Variants in CNTNAP2 observed in about 807,000 individuals in gnomAD.
CNTNAP2 encodes contactin associated protein 2, also known as contactin-associated protein-like 2.
Under a neutral mutation model 155.2 loss-of-function variants are expected in CNTNAP2, and 98 were observed. The observed-to-expected ratio is 0.63, with a 90% CI of 0.54 to 0.75. The LOEUF is 0.75. Ranked by LOEUF, CNTNAP2 falls within the 30% of genes least tolerant of loss-of-function variation. The pLI, the probability that CNTNAP2 is intolerant of heterozygous loss-of-function variation, is 0.00. For synonymous variants in CNTNAP2, 651 were observed against 631.2 expected (o/e 1.03, Z -0.47); for missense variants, 1,727 against 1,688.1 (o/e 1.02, Z -0.40).
chr7:146,759,219 G>T (rs556730031), intron 1 of CNTNAP2, among the ~76,000 whole-genome samples: 3 of 151,952 alleles, frequency 2.0e-5, no homozygotes, highest in African/African-American at 7.3e-5. Flanking sequence ...ATATTTTTAC[G>T]TTTAGATTAC....
intron 1 of CNTNAP2, among the ~76,000 whole-genome samples, chr7:146,120,350 A>G (rs921516551): frequency 5.3e-5 from 8 of 152,168 alleles, no homozygotes; most frequent in African/African-American, 1.7e-4. Flanking sequence ...GCAACTAATA[A>G]TTATTAACTA....
chr7:147,833,586 C>G (rs555731218), intron 13 of CNTNAP2, among the ~76,000 whole-genome samples: 8 of 152,144 alleles, frequency 5.3e-5, no homozygotes, highest in Non-Finnish European at 1.0e-4. Flanking sequence ...TGCCTCCAGG[C>G]AGGTCAGAAA....
At chr7:147,488,540 A>C (rs947826522) in intron 11 of CNTNAP2, among the ~76,000 whole-genome samples, 1 of 131,346 alleles carries the variant, frequency 7.6e-6, no homozygotes, top group African/African-American at 3.0e-5. Flanking sequence ...AATTATTTTA[A>C]ATAGTATTTT....
intron 15 of CNTNAP2, among the ~76,000 whole-genome samples, chr7:148,058,419 T>C (rs2116506795): frequency 6.6e-6 from 1 of 152,174 alleles, no homozygotes; most frequent in East Asian, 1.9e-4. Flanking sequence ...TCGTTTTGCC[T>C]GGGAATGTCC....
intron 1 of CNTNAP2, among the ~76,000 whole-genome samples, chr7:146,226,263 T>C (rs147682894): frequency 6.6e-6 from 1 of 152,288 alleles, no homozygotes; most frequent in African/African-American, 2.4e-5. Context: ...AGAAATACTT[T>C]TAGAGGAAGC....
At position 148,251,185 on chromosome 7, in the gene CNTNAP2, T is replaced by G. The variant is rs1277917040; in HGVS notation, c.3382-15848T>G. ...CCCAGGGGTCTCCAGGTGACCCTCA[T>G]TTACAAGCAGCTGGCTACAAATTCA... is the stretch of plus-strand genomic sequence containing the variant. On this transcript the variant is annotated intron_variant, in intron 20 of 23. Transcript: ENST00000361727. Among the ~76,000 whole-genome samples the G allele has an allele frequency of 2.0e-5, 3 of 152,332 alleles. 1 individual carries two copies. In the East Asian group the frequency reaches 5.8e-4, roughly 29 times the overall value.
At chr7:146,346,067 A>G (rs1308826194) in intron 1 of CNTNAP2, among the ~76,000 whole-genome samples, 1 of 152,224 alleles carries the variant, frequency 6.6e-6, no homozygotes, top group Non-Finnish European at 1.5e-5. Flanking sequence ...GGGAAACATT[A>G]ATGCAAGACA....
At chr7:148,004,672 T>G (rs2116897338) in intron 15 of CNTNAP2, among the ~76,000 whole-genome samples, 1 of 152,354 alleles carries the variant, frequency 6.6e-6, no homozygotes, top group East Asian at 1.9e-4. Flanking sequence ...CAAAGAAAGC[T>G]TCTTTCTTCA....
intron 10 of CNTNAP2, among the ~76,000 whole-genome samples, chr7:147,409,303 G>A (rs1476877992): frequency 6.6e-6 from 1 of 152,176 alleles, no homozygotes; most frequent in African/African-American, 2.4e-5. Context: ...AATGGAAAAA[G>A]GAATCCCTAT....
intron 21 of CNTNAP2, among the ~76,000 whole-genome samples, chr7:148,275,843 CAA>C (rs1023868150): frequency 2.6e-5 from 4 of 152,148 alleles, no homozygotes; most frequent in African/African-American, 7.2e-5. Context: ...GCCCATGTTC[CAA>C]GAGAGAGGAA....
chr7:147,925,283 A>AGTGC (rs1554450430), intron 14 of CNTNAP2, among the ~76,000 whole-genome samples: 1 of 90,692 alleles, frequency 1.1e-5, no homozygotes, highest in African/African-American at 7.1e-5. Flanking sequence ...AACACACACA[A>AGTGC]GCGCGCGCGC....
At chr7:147,234,561 G>T (rs528015348) in intron 8 of CNTNAP2, among the ~76,000 whole-genome samples, 1 of 151,838 alleles carries the variant, frequency 6.6e-6, no homozygotes, top group Non-Finnish European at 1.5e-5. Flanking sequence ...GGATGGTCTC[G>T]ATCTCCTGAC....
chr7:147,648,762 C>T (rs1018145082), intron 13 of CNTNAP2, among the ~76,000 whole-genome samples: 2 of 152,130 alleles, frequency 1.3e-5, no homozygotes, highest in Non-Finnish European at 2.9e-5. Flanking sequence ...ATTGTGGGAG[C>T]TACAGTTCAA....
chr7:147,337,556 AG>A (rs1479429778), intron 9 of CNTNAP2, among the ~76,000 whole-genome samples: 1 of 152,086 alleles, frequency 6.6e-6, no homozygotes, highest in Non-Finnish European at 1.5e-5. Flanking sequence ...TATAAAAAAA[AG>A]TTTGAACAAC....
At chr7:146,642,220 C>T (rs923767820) in intron 1 of CNTNAP2, among the ~76,000 whole-genome samples, 2 of 151,456 alleles carry the variant, frequency 1.3e-5, no homozygotes, top group African/African-American at 4.9e-5. Flanking sequence ...AGGTTAGTTA[C>T]ATATGTATAC....
At chr7:146,533,722 C>T (rs993084686) in intron 1 of CNTNAP2, among the ~76,000 whole-genome samples, 1 of 152,018 alleles carries the variant, frequency 6.6e-6, no homozygotes, top group African/African-American at 2.4e-5. Context: ...TCCCTGACCC[C>T]ATCTCTGGAT....
chr7:147,469,806 C>T (rs11977184), intron 10 of CNTNAP2, among the ~76,000 whole-genome samples: 1 of 152,100 alleles, frequency 6.6e-6, no homozygotes, highest in Non-Finnish European at 1.5e-5. Context: ...GCGTGAGCCA[C>T]TGAGCCCGGC....
chr7:146,874,551 C>G (rs533506042), intron 3 of CNTNAP2, among the ~76,000 whole-genome samples: 64 of 152,176 alleles, frequency 4.2e-4, no homozygotes, highest in African/African-American at 1.5e-3. Context: ...GTTGGTCAGG[C>G]TTTTCTTGAA....
At chr7:147,592,603 C>G (rs1227557839) in intron 12 of CNTNAP2, among the ~76,000 whole-genome samples, 4 of 151,824 alleles carry the variant, frequency 2.6e-5, no homozygotes, top group African/African-American at 7.3e-5. Context: ...AGCAAATTTA[C>G]TACCCTTTTC....
Sources: allele counts gnomAD v4.1 joint callset (sites outside exome capture counted in the v4.1 genomes callset), GRCh38; gene constraint gnomAD v4.1.1; transcripts MANE v1.5; gene names NCBI Gene and HGNC (gene_info 2026-07-23, HGNC 2026-07-21).